Variants in CCDC60 observed in about 807,000 individuals in gnomAD.
CCDC60 encodes the protein coiled-coil domain-containing protein 60.
A neutral mutation model predicts 63.5 loss-of-function variants in CCDC60; 54 were observed. The ratio of observed to expected loss-of-function variants is 0.85; its 90% confidence interval spans 0.68 to 1.07. The LOEUF is 1.07. Ranked by LOEUF, CCDC60 falls within the 50% of genes least tolerant of loss-of-function variation. The pLI, the probability that CCDC60 is intolerant of heterozygous loss-of-function variation, is 0.00. For missense variants in CCDC60, 651 were observed against 684.3 expected, an observed-to-expected ratio of 0.95 and a Z score of 0.54; for synonymous variants, 206 against 238.8, an observed-to-expected ratio of 0.86 and a Z score of 1.27.
intron 1 of CCDC60, among the ~76,000 whole-genome samples, chr12:119,381,992 C>T (rs1405453992): frequency 1.3e-5 from 2 of 152,180 alleles, no homozygotes; most frequent in African/African-American, 4.8e-5. Flanking sequence ...CATCTGACAC[C>T]TTCTCATGAC....
intron 1 of CCDC60, among the ~76,000 whole-genome samples, chr12:119,359,581 AG>A (rs1170001347): frequency 6.9e-6 from 1 of 145,922 alleles, no homozygotes; most frequent in Non-Finnish European, 1.5e-5. Context: ...TTTCTCACAG[AG>A]GGGGATTTGG....
chr12:119,355,843 T>C (rs923467513), intron 1 of CCDC60, among the ~76,000 whole-genome samples: 1 of 152,206 alleles, frequency 6.6e-6, no homozygotes, highest in African/African-American at 2.4e-5. Flanking sequence ...GTTGTTGCCA[T>C]GGAAAGGGTA....
At chr12:119,376,922 G>A (rs1236931337) in intron 1 of CCDC60, among the ~76,000 whole-genome samples, 1 of 152,082 alleles carries the variant, frequency 6.6e-6, no homozygotes, top group African/African-American at 2.4e-5. Context: ...GTATTTGCAA[G>A]CTTCCACTAG....
At chr12:119,376,704 C>T (rs1333611654) in intron 1 of CCDC60, among the ~76,000 whole-genome samples, 4 of 152,066 alleles carry the variant, frequency 2.6e-5, no homozygotes, top group Admixed American at 6.6e-5. Flanking sequence ...ATGCTGGCTT[C>T]GTCTGGTTCA....
In CCDC60 at chr12:119,387,034, TCACACA is replaced by T. The variant is rs1555233707; in HGVS notation, c.91-41613_91-41608del. Among the ~76,000 whole-genome samples, 185 of 105,446 alleles carry T rather than the reference TCACACA, an allele frequency of 1.8e-3. 3 individuals are homozygous for T. The Middle Eastern group carries it at 0.021, about 12-fold the overall frequency. 69.2% of individuals were successfully genotyped at this position (105,446 alleles called of 152,430 possible). On this transcript the variant is annotated intron_variant, in intron 1 of 13. Coordinates refer to ENST00000327554, the MANE Select transcript of CCDC60 (RefSeq NM_178499.5). ...CTCCCTCCCTCCCCCTCTGTCTCTC[TCACACA>T]CACACACACACACACACACACACAC...
Position 119,456,328 on chromosome 12 carries a change from A to G in CCDC60, c.171-15666A>G, listed in dbSNP as rs141156081. On this transcript the variant is annotated intron_variant, in intron 2 of 13. Coordinates refer to ENST00000327554, the MANE Select transcript of CCDC60 (RefSeq NM_178499.5). This position sits in a 1 kb window ranked among gnomAD's most constrained non-coding sequence, Gnocchi z 4.6. ...CCTGGTGGGAAACTACCTAAAGTAA[A>G]TGATGGTTTCTGGCTAGGTTAAGGA... 7.4e-4 allele frequency among the ~76,000 whole-genome samples: 113 copies of G among 152,332 alleles called. No homozygotes were observed. Among genetic ancestry groups the G allele is most frequent in the Non-Finnish European group, 1.4e-3 (95 of 68,030 alleles).
At chr12:119,484,686 C>T (rs1323681718) in intron 4 of CCDC60, among the ~76,000 whole-genome samples, 1 of 152,010 alleles carries the variant, frequency 6.6e-6, no homozygotes, top group Admixed American at 6.6e-5. Context: ...GCACTCCATC[C>T]TGGGCAACAG....
chr12:119,339,702 G>C (rs1342132458), intron 1 of CCDC60, among the ~76,000 whole-genome samples: 1 of 152,214 alleles, frequency 6.6e-6, no homozygotes, highest in East Asian at 1.9e-4. Context: ...CAGCTTCTTG[G>C]GAGGCTGAGG....
intron 1 of CCDC60, among the ~76,000 whole-genome samples, chr12:119,398,293 G>A (rs564309748): frequency 7.9e-5 from 12 of 152,154 alleles, no homozygotes; most frequent in African/African-American, 2.9e-4. Flanking sequence ...GATGCTAAGC[G>A]CATCACTGCC....
At position 119,456,013 on chromosome 12, in the gene CCDC60, AAG is replaced by A. The variant is rs148290626; in HGVS notation, c.171-15979_171-15978del. ...AGAGAGAGAGAAAGAGAAAGAAAGA[AAG>A]AAAGAAAGAAAGAAAGAAAGAAAGA... On this transcript the variant is annotated intron_variant, in intron 2 of 13. Coordinates refer to ENST00000327554, the MANE Select transcript of CCDC60 (RefSeq NM_178499.5). This position sits in a 1 kb window ranked among gnomAD's most constrained non-coding sequence, Gnocchi z 4.6. Among the ~76,000 whole-genome samples the A allele has an allele frequency of 2.7e-3, 202 of 75,116 alleles. 5 individuals are homozygous for A. Among genetic ancestry groups the A allele is most frequent in the African/African-American group, 9.7e-3 (144 of 14,890 alleles). The allele number at this position is 75,116 out of a possible 152,430, so 49.3% of individuals were successfully genotyped here. A position where few individuals can be genotyped will look rare whatever the true frequency, so the allele number is the denominator to read the frequency against.
At chr12:119,479,995 T>TACACACACACACACACACAC (rs56080581) in intron 4 of CCDC60, among the ~76,000 whole-genome samples, 2 of 121,976 alleles carry the variant, frequency 1.6e-5, no homozygotes, top group Non-Finnish European at 3.4e-5. Context: ...CCGTACATCA[T>TACACACACACACACACACAC]ACACACACAC....
chr12:119,484,927 G>A (rs1196990403), intron 4 of CCDC60, among the ~76,000 whole-genome samples: 1 of 152,144 alleles, frequency 6.6e-6, no homozygotes, highest in East Asian at 1.9e-4. Flanking sequence ...AGCAGAGCAG[G>A]AACCCAAAGG....
At chr12:119,359,787 C>T (rs1420227919) in intron 1 of CCDC60, among the ~76,000 whole-genome samples, 8 of 151,572 alleles carry the variant, frequency 5.3e-5, no homozygotes, top group African/African-American at 1.5e-4. Context: ...CGTCTTGCAC[C>T]GCCCTTAATC....
chr12:119,507,605 T>TGTATATATACAC (rs1952079597), intron 7 of CCDC60, among the ~76,000 whole-genome samples: 13 of 32,540 alleles, frequency 4.0e-4, no homozygotes, highest in Non-Finnish European at 6.1e-4. Context: ...TATATATATA[T>TGTATATATACAC]ATATATATAT....
intron 1 of CCDC60, among the ~76,000 whole-genome samples, chr12:119,415,197 T>A (rs1956677909): frequency 6.6e-6 from 1 of 152,206 alleles, no homozygotes; most frequent in African/African-American, 2.4e-5. Context: ...AACCTGTGCA[T>A]CCTTATATGA....
At chr12:119,439,795 A>C (rs1289881967) in intron 2 of CCDC60, among the ~76,000 whole-genome samples, 2 of 152,190 alleles carry the variant, frequency 1.3e-5, no homozygotes, top group African/African-American at 2.4e-5. Flanking sequence ...AATAGCAAAG[A>C]AGCCTACTTA....
chr12:119,405,693 G>A (rs893976077), intron 1 of CCDC60, among the ~76,000 whole-genome samples: 3 of 152,028 alleles, frequency 2.0e-5, no homozygotes, highest in Admixed American at 6.6e-5. Flanking sequence ...CCAATGACCC[G>A]TGCCTCTAAA....
At chr12:119,430,399 G>A (rs2136236208) in intron 2 of CCDC60, among the ~76,000 whole-genome samples, 1 of 152,198 alleles carries the variant, frequency 6.6e-6, no homozygotes, top group Admixed American at 6.5e-5. Flanking sequence ...GGGTGTGGTG[G>A]CTCAAGCCTG....
chr12:119,400,816 A>G, intron 1 of CCDC60, among the ~76,000 whole-genome samples: 1 of 150,982 alleles, frequency 6.6e-6, no homozygotes, highest in East Asian at 1.9e-4. Flanking sequence ...TTCGCCAACA[A>G]CTGGTTCGAA....
Sources: allele counts gnomAD v4.1 joint callset (sites outside exome capture counted in the v4.1 genomes callset), GRCh38; gene constraint gnomAD v4.1.1; non-coding constraint Gnocchi (gnomAD v3.1); transcripts MANE v1.5; gene names NCBI Gene and HGNC (gene_info 2026-07-23, HGNC 2026-07-21).